ATG4C: variants seen among roughly 807,000 people sequenced by gnomAD.
ATG4C encodes the protein cysteine protease ATG4C.
In ATG4C, 56 loss-of-function variants were observed where a neutral mutation model predicts 57.6. That is an observed-to-expected ratio of 0.97 (90% CI 0.78 to 1.21). ATG4C has a LOEUF of 1.21. Ranked by LOEUF, ATG4C falls within the 50% of genes most tolerant of loss-of-function variation. The probability of loss-of-function intolerance (pLI) is 0.00; values close to 1 mark genes in which losing one functional copy is unlikely to be tolerated. For synonymous variants in ATG4C, 157 were observed against 174.1 expected (o/e 0.90, Z 0.78); for missense variants, 595 against 529.8 (o/e 1.12, Z -1.21).
rs200477633 is a variant in ATG4C at position 62,816,557 on chromosome 1, C to G, written c.161-18C>G. On this transcript the variant is annotated intron_variant, in intron 3 of 10. Transcript: ENST00000317868. ...GACATTTCTCTGGTTATCTTTAGAC[C>G]GTATGTTTATTTTTTAGATGAAGAT... The G allele has an allele frequency of 5.1e-6, 8 of 1,558,578 alleles. No homozygotes were observed. The South Asian group carries it at 9.5e-5, about 19-fold the overall frequency.
chr1:62,814,587 G>A (rs1665201123), intron 3 of ATG4C, among the ~76,000 whole-genome samples: 1 of 152,102 alleles, frequency 6.6e-6, no homozygotes, highest in African/African-American at 2.4e-5. Flanking sequence ...TGAACTTAAA[G>A]TATAATAATA....
At chr1:62,855,295 C>G (rs1666649211) in intron 10 of ATG4C, among the ~76,000 whole-genome samples, 2 of 152,144 alleles carry the variant, frequency 1.3e-5, no homozygotes, top group South Asian at 4.1e-4. Context: ...TTCCCCTGCT[C>G]TGCTGTGCTG....
intron 1 of ATG4C, among the ~76,000 whole-genome samples, chr1:62,801,786 G>A (rs375253360): frequency 2.3e-4 from 35 of 151,622 alleles, no homozygotes; most frequent in Admixed American, 3.9e-4. Flanking sequence ...GTGAAAACCC[G>A]TCTCTACTAA....
chr1:62,829,975 A>T (rs1041714974), intron 7 of ATG4C, among the ~76,000 whole-genome samples: 2 of 152,102 alleles, frequency 1.3e-5, no homozygotes, highest in African/African-American at 4.8e-5. Context: ...ATCTTTTATG[A>T]TTAATAACTA....
intron 10 of ATG4C, among the ~76,000 whole-genome samples, chr1:62,862,434 T>A (rs1291853735): frequency 2.0e-5 from 3 of 152,144 alleles, no homozygotes; most frequent in African/African-American, 7.2e-5. Flanking sequence ...ACTGGACTTT[T>A]ACAAGTGACA....
At chr1:62,816,232 A>G (rs998263727) in intron 3 of ATG4C, among the ~76,000 whole-genome samples, 2 of 151,982 alleles carry the variant, frequency 1.3e-5, no homozygotes, top group African/African-American at 2.4e-5. Context: ...TTTTGTTTCC[A>G]GTGAGAAATC....
At chr1:62,842,813 TTC>T (rs1666212161) in intron 10 of ATG4C, among the ~76,000 whole-genome samples, 2 of 152,304 alleles carry the variant, frequency 1.3e-5, no homozygotes, top group African/African-American at 4.8e-5. Flanking sequence ...CTCACAGTTG[TTC>T]TCTTTTCATT....
intron 4 of ATG4C, among the ~76,000 whole-genome samples, chr1:62,817,874 C>T (rs1271278809): frequency 2.0e-5 from 3 of 152,030 alleles, no homozygotes; most frequent in East Asian, 1.9e-4. Flanking sequence ...CCCTACAATG[C>T]ATGGCATATA....
intron 5 of ATG4C, among the ~76,000 whole-genome samples, chr1:62,819,747 C>G (rs922906269): frequency 6.6e-6 from 1 of 151,788 alleles, no homozygotes; most frequent in South Asian, 2.1e-4. Context: ...ATATTTTCGG[C>G]ATTTCTTTGC....
At chr1:62,799,556 C>G (rs1014847389) in intron 1 of ATG4C, among the ~76,000 whole-genome samples, 6 of 152,150 alleles carry the variant, frequency 3.9e-5, no homozygotes, top group Non-Finnish European at 8.8e-5. Context: ...TATTCCACTC[C>G]AAGTGCCTTT....
At chr1:62,856,909 A>C (rs557680875) in intron 10 of ATG4C, among the ~76,000 whole-genome samples, 1 of 152,208 alleles carries the variant, frequency 6.6e-6, no homozygotes, top group African/African-American at 2.4e-5. Flanking sequence ...ATCATGTGTT[A>C]ATTTGGCTTA....
At chr1:62,801,464 A>G (rs1174910145) in intron 1 of ATG4C, among the ~76,000 whole-genome samples, 2 of 152,176 alleles carry the variant, frequency 1.3e-5, no homozygotes. Flanking sequence ...CCTGGCAATA[A>G]TTTATCTAAT....
intron 1 of ATG4C, among the ~76,000 whole-genome samples, chr1:62,788,788 G>T (rs1426684774): frequency 1.3e-5 from 2 of 151,562 alleles, no homozygotes; most frequent in African/African-American, 4.8e-5. Flanking sequence ...TTGTCTTCAG[G>T]TAGAATGCCT....
intron 6 of ATG4C, among the ~76,000 whole-genome samples, chr1:62,825,808 T>C (rs1665630507): frequency 6.6e-6 from 1 of 152,206 alleles, no homozygotes; most frequent in African/African-American, 2.4e-5. Flanking sequence ...CTTACTCTGT[T>C]TGCTTAAACC....
intron 3 of ATG4C, among the ~76,000 whole-genome samples, chr1:62,815,315 T>C (rs988882611): frequency 3.3e-5 from 5 of 152,150 alleles, no homozygotes; most frequent in Non-Finnish European, 5.9e-5. Flanking sequence ...AGGTTTATAG[T>C]ATACATCTCT....
chr1:62,824,487 T>C (rs1665581968), intron 6 of ATG4C, among the ~76,000 whole-genome samples: 1 of 152,178 alleles, frequency 6.6e-6, no homozygotes, highest in African/African-American at 2.4e-5. Context: ...AAGAGTTTCA[T>C]TCAACTGACA....
intron 6 of ATG4C, among the ~76,000 whole-genome samples, chr1:62,828,170 A>C (rs1333497447): frequency 6.6e-6 from 1 of 152,166 alleles, no homozygotes; most frequent in Non-Finnish European, 1.5e-5. Context: ...TATACCCAGT[A>C]ATCATTGCTA....
At position 62,784,230 on chromosome 1, in the gene ATG4C, G is replaced by C. The variant is rs953816847; in HGVS notation, c.-112G>C. The C allele has an allele frequency of 1.3e-5, 2 of 153,050 alleles. No individual in the cohort carries two copies. The highest frequency in any genetic ancestry group is 2.9e-5 in the Non-Finnish European group (2 of 68,502). The allele number at this position is 153,050 out of a possible 1,614,324, so 9.5% of individuals were successfully genotyped here. ...TAGAGCTGGAGCATTTGCCGGGTTG[G>C]TGGCTCCTGCACATTTTTACAGTTC... On this transcript the variant is annotated 5_prime_UTR_variant, in exon 1 of 11. Transcript: ENST00000317868.
intron 10 of ATG4C, among the ~76,000 whole-genome samples, chr1:62,863,195 G>A (rs1434265146): frequency 6.6e-6 from 1 of 151,754 alleles, no homozygotes. Flanking sequence ...CAAAATTCTA[G>A]GTATTGCTTT....
Sources: allele counts gnomAD v4.1 joint callset (sites outside exome capture counted in the v4.1 genomes callset), GRCh38; gene constraint gnomAD v4.1.1; transcripts MANE v1.5; gene names NCBI Gene and HGNC (gene_info 2026-07-23, HGNC 2026-07-21).